Variants in G2E3 observed in about 807,000 individuals in gnomAD.
G2E3 encodes G2/M phase-specific E3 ubiquitin-protein ligase.
G2E3 carries 35 observed loss-of-function variants against 92.8 expected under a neutral mutation model. The ratio of observed to expected loss-of-function variants is 0.38; its 90% CI spans 0.29 to 0.50. G2E3 has a LOEUF of 0.50. Ranked by LOEUF, G2E3 falls within the 20% of genes least tolerant of loss-of-function variation. The pLI is 0.94. For synonymous variants in G2E3, 242 were observed against 272.4 expected (o/e 0.89, Z 1.10); for missense variants, 554 against 823.8 (o/e 0.67, Z 4.01).
chr14:30,580,021 A>G (rs1880339760), intron 1 of G2E3, among the ~76,000 whole-genome samples: 2 of 152,084 alleles, frequency 1.3e-5, no homozygotes, highest in South Asian at 2.1e-4. Context: ...AAGTATTTTT[A>G]TTTGTTTAAC....
chr14:30,587,745 C>T (rs775192800), intron 3 of G2E3, among the ~76,000 whole-genome samples: 2 of 152,204 alleles, frequency 1.3e-5, no homozygotes, highest in East Asian at 1.9e-4. Flanking sequence ...TAAGGCTACT[C>T]GTGGCATGGC....
rs148009150 is a variant in G2E3, at chr14:30,567,924, G to A, written c.-5+8652G>A. Among the ~76,000 whole-genome samples, 436 of 152,106 alleles carry A rather than the reference G, an allele frequency of 2.9e-3. 1 individual carries two copies. The highest frequency in any genetic ancestry group is 4.4e-3 in the Non-Finnish European group (298 of 67,922). ...GGATATTTTGTGTGATTTCAGTCTTGTAAAATGTATTATTTTGTGGTCTAA... is the reference window on the plus strand; with the variant it reads ...GGATATTTTGTGTGATTTCAGTCTTATAAAATGTATTATTTTGTGGTCTAA... On this transcript the variant is annotated intron_variant, in intron 1 of 14. Transcript: ENST00000206595.
intron 1 of G2E3, chr14:30,560,732 A>G (rs1879045148): frequency 1.4e-6 from 1 of 694,270 alleles, no homozygotes; most frequent in Non-Finnish European, 2.6e-6. Flanking sequence ...TTGTGTATAC[A>G]CTACCTTGAA....
chr14:30,574,045 A>C (rs191857319), intron 1 of G2E3, among the ~76,000 whole-genome samples: 1 of 152,304 alleles, frequency 6.6e-6, no homozygotes, highest in Non-Finnish European at 1.5e-5. Context: ...CAAGAAAAGT[A>C]CAAAGAACTA....
chr14:30,560,674 T>G (rs1255749173), intron 1 of G2E3: 1 of 627,026 alleles, frequency 1.6e-6, no homozygotes, highest in Non-Finnish European at 2.8e-6. Flanking sequence ...CCTGAATTAT[T>G]TTCATTGGAT....
At chr14:30,583,932 A>G (rs370392584) in intron 2 of G2E3, among the ~76,000 whole-genome samples, 3 of 152,168 alleles carry the variant, frequency 2.0e-5, no homozygotes, top group African/African-American at 4.8e-5. Context: ...TACATTTACA[A>G]TGTTGTGAAA....
chr14:30,565,535 T>C (rs574339756), intron 1 of G2E3, among the ~76,000 whole-genome samples: 2 of 152,112 alleles, frequency 1.3e-5, no homozygotes, highest in Admixed American at 6.5e-5. Context: ...GTCATGAAAA[T>C]TTACCCCTAG....
chr14:30,579,825 A>G (rs1351483109), intron 1 of G2E3, among the ~76,000 whole-genome samples: 3 of 152,186 alleles, frequency 2.0e-5, no homozygotes, highest in Admixed American at 6.5e-5. Flanking sequence ...ACCTAGTGGC[A>G]TTATTATGTT....
intron 2 of G2E3, among the ~76,000 whole-genome samples, chr14:30,584,924 C>T (rs926769642): frequency 8.6e-5 from 13 of 150,774 alleles, no homozygotes; most frequent in African/African-American, 2.9e-4. Flanking sequence ...CTCCACCTCC[C>T]AGGTTCAAGC....
At chr14:30,608,848 GGCAT>G (rs1184341022) in intron 12 of G2E3, among the ~76,000 whole-genome samples, 5 of 152,232 alleles carry the variant, frequency 3.3e-5, no homozygotes, top group African/African-American at 1.2e-4. Context: ...CAGGCGTGGT[GGCAT>G]GTGCCTGTAA....
chr14:30,585,180 A>C (rs570237639), intron 2 of G2E3, among the ~76,000 whole-genome samples: 1 of 152,200 alleles, frequency 6.6e-6, no homozygotes, highest in Admixed American at 6.5e-5. Context: ...AATGAAGTCC[A>C]ATTATCATTT....
At chr14:30,579,940 T>C (rs1366829606) in intron 1 of G2E3, among the ~76,000 whole-genome samples, 1 of 152,240 alleles carries the variant, frequency 6.6e-6, no homozygotes, top group East Asian at 1.9e-4. Context: ...AGTGAAACTT[T>C]AATGTTATTA....
chr14:30,588,963 A>G (rs1345454214), intron 3 of G2E3, among the ~76,000 whole-genome samples: 9 of 152,136 alleles, frequency 5.9e-5, no homozygotes, highest in Admixed American at 5.9e-4. Flanking sequence ...ATTCAGCTAG[A>G]TTTAGAGTTA....
rs781147082 is a variant in G2E3 at position 30,615,440 on chromosome 14, A to G, written c.1765A>G (p.Ser589Gly). ...FCSILCHKPE[S>G]LSAKILSELF... ...TAGCATCCTGTGTCATAAACCTGAGAGTCTTTCTGCAAAAATCCTTAGTGA... is the reference window on the plus strand; with the variant it reads ...TAGCATCCTGTGTCATAAACCTGAGGGTCTTTCTGCAAAAATCCTTAGTGA... The change falls in exon 14 of 15, where the codon AGT (serine) becomes GGT (glycine). Residue 589 changes from serine to glycine, a missense_variant. Transcript: ENST00000206595. 5.3e-5 allele frequency: 86 copies of G among 1,610,420 alleles called. No homozygotes were observed. The highest frequency in any genetic ancestry group is 7.1e-5 in the Non-Finnish European group (83 of 1,177,014).
At chr14:30,598,738 T>C (rs1368681444) in intron 8 of G2E3, 139 bp downstream of exon 8, 3 of 697,538 alleles carry the variant, frequency 4.3e-6, no homozygotes, top group East Asian at 5.2e-5. Context: ...TATTTTCTAA[T>C]GCACATTTAC....
At chr14:30,577,674 A>G (rs971409610) in intron 1 of G2E3, 1 of 152,234 alleles carries the variant, frequency 6.6e-6, no homozygotes, top group Non-Finnish European at 1.5e-5. Context: ...CATGTGATCC[A>G]TGATAGTGAG....
Position 30,612,348 on chromosome 14 carries a change from G to A in G2E3, c.1642G>A (p.Val548Ile). 1 of 1,606,248 alleles carries A rather than the reference G, an allele frequency of 6.2e-7. No individual in the cohort carries two copies. The highest frequency in any genetic ancestry group is 1.1e-5 in the South Asian group (1 of 89,700). ...MLVKDILGYH[V>I]IQRVHTPFES... is the part of the protein sequence containing the mutation. Reference sequence around the variant, plus strand: ...AGTAAAAGACATACTTGGCTACCATGTAATTCAGAGAGTCCACACACCCTT... The same window carrying A: ...AGTAAAAGACATACTTGGCTACCATATAATTCAGAGAGTCCACACACCCTT... Residue 548 changes from valine to isoleucine, a missense_variant, in exon 13 of 15, where the codon GTA becomes ATA. Coordinates refer to ENST00000206595, the MANE Select transcript of G2E3 (RefSeq NM_017769.5).
In G2E3 at chr14:30,601,869, A is replaced by G; in HGVS notation, c.852A>G (p.Glu284=). The part of the protein sequence containing the change: ...RSWEQNWECL[E]CRGIIYNSGE... ...GGGAGCAAAATTGGGAGTGTTTGGAATGTAGGGGTATTATCTACAATTCAG... is the reference window on the plus strand; with the variant it reads ...GGGAGCAAAATTGGGAGTGTTTGGAGTGTAGGGGTATTATCTACAATTCAG... Residue 284 remains glutamate (E), a synonymous_variant, in exon 9 of 15, where the codon GAA becomes GAG. Coordinates refer to ENST00000206595, the MANE Select transcript of G2E3 (RefSeq NM_017769.5). 1 of 1,613,658 alleles carries G rather than the reference A, an allele frequency of 6.2e-7. No individual in the cohort carries two copies. The highest frequency in any genetic ancestry group is 8.5e-7 in the Non-Finnish European group (1 of 1,179,586).
chr14:30,583,382 G>A (rs958827354), intron 2 of G2E3, among the ~76,000 whole-genome samples: 1 of 152,128 alleles, frequency 6.6e-6, no homozygotes, highest in African/African-American at 2.4e-5. Flanking sequence ...TCATTTTTAT[G>A]ATGAGGAAAT....
Sources: allele counts gnomAD v4.1 joint callset (sites outside exome capture counted in the v4.1 genomes callset), GRCh38; gene constraint gnomAD v4.1.1; transcripts MANE v1.5; gene names NCBI Gene and HGNC (gene_info 2026-07-23, HGNC 2026-07-21).